Variants in MTHFS observed in about 807,000 individuals in gnomAD.
The protein encoded by MTHFS is 5-formyltetrahydrofolate cyclo-ligase.
A neutral mutation model predicts 12.7 loss-of-function variants in MTHFS; 7 were observed. The ratio of observed to expected loss-of-function variants is 0.55; its 90% confidence interval spans 0.31 to 1.03. The LOEUF is 1.03. Ranked by LOEUF, MTHFS falls within the 50% of genes least tolerant of loss-of-function variation. MTHFS has a pLI of 0.05. For synonymous variants in MTHFS, 100 were observed against 97.1 expected, an observed-to-expected ratio of 1.03 and a Z score of -0.18; for missense variants, 252 against 258.1, an observed-to-expected ratio of 0.98 and a Z score of 0.16.
In MTHFS at chr15:79,844,442, G is replaced by C. The variant is rs1026364082; in HGVS notation, c.*768C>G. ...GCCACGTGACTCCCGGGTTTCTGGAGATGACCAAATCCTCCCCACAACAAA... is the reference window on the plus strand; with the variant it reads ...GCCACGTGACTCCCGGGTTTCTGGACATGACCAAATCCTCCCCACAACAAA... On this transcript the variant is annotated 3_prime_UTR_variant, in exon 3 of 3. Coordinates refer to ENST00000258874, the MANE Select transcript of MTHFS (RefSeq NM_006441.4). 1.3e-5 allele frequency: 2 copies of C among 152,374 alleles called. No individual in the cohort carries two copies. The highest frequency in any genetic ancestry group is 3.9e-4 in the East Asian group (2 of 5,194). The allele number at this position is 152,374 out of a possible 1,614,324, so 9.4% of individuals were successfully genotyped here.
chr15:79,886,003 A>C (rs553112866), intron 2 of MTHFS, among the ~76,000 whole-genome samples: 1 of 152,372 alleles, frequency 6.6e-6, no homozygotes, highest in South Asian at 2.1e-4. Flanking sequence ...TTGCCCAAGC[A>C]GCCCTTACCT....
At chr15:79,894,390 A>T (rs1323138743) in intron 1 of MTHFS, among the ~76,000 whole-genome samples, 1 of 152,184 alleles carries the variant, frequency 6.6e-6, no homozygotes, top group East Asian at 1.9e-4. Context: ...TGAAAAAAAA[A>T]GAAAATATTA....
At chr15:79,860,597 A>G (rs1044987888) in intron 2 of MTHFS, among the ~76,000 whole-genome samples, 1 of 152,224 alleles carries the variant, frequency 6.6e-6, no homozygotes, top group Admixed American at 6.5e-5. Flanking sequence ...AGCTTAGTAT[A>G]TATTTTGAAA....
At chr15:79,887,705 G>C (rs1236985535) in intron 2 of MTHFS, among the ~76,000 whole-genome samples, 2 of 152,160 alleles carry the variant, frequency 1.3e-5, no homozygotes, top group Admixed American at 1.3e-4. Flanking sequence ...AAGATACTCT[G>C]TATTCCCTTA....
At chr15:79,897,145 C>T (rs188687524), upstream of MTHFS, 3 of 623,576 alleles carry the variant, frequency 4.8e-6, no homozygotes, top group African/African-American at 1.9e-5. Context: ...GGGCCCGCGG[C>T]GCGCCGCGCG....
intron 2 of MTHFS, among the ~76,000 whole-genome samples, chr15:79,865,273 A>G (rs1012322196): frequency 3.9e-5 from 6 of 152,218 alleles, no homozygotes; most frequent in Non-Finnish European, 8.8e-5. Flanking sequence ...CTTAGCACAA[A>G]TATTTGACTT....
At chr15:79,867,916 A>C (rs1367016018) in intron 2 of MTHFS, among the ~76,000 whole-genome samples, 1 of 152,134 alleles carries the variant, frequency 6.6e-6, no homozygotes, top group African/African-American at 2.4e-5. Flanking sequence ...CTTTGAGTGG[A>C]GTGTGTGTGT....
intron 2 of MTHFS, among the ~76,000 whole-genome samples, chr15:79,882,004 G>T (rs1244078882): frequency 6.6e-6 from 1 of 152,198 alleles, no homozygotes; most frequent in Non-Finnish European, 1.5e-5. Flanking sequence ...AGAGAGGGAG[G>T]TCACCCAAAA....
chr15:79,897,096 G>A (rs2034595500), upstream of MTHFS: 2 of 1,125,776 alleles, frequency 1.8e-6, no homozygotes, highest in Non-Finnish European at 2.3e-6. Flanking sequence ...GGGGCGGGTC[G>A]GGGCTCGGGG....
chr15:79,847,679 A>G (rs1596059611), intron 2 of MTHFS, among the ~76,000 whole-genome samples: 1 of 151,994 alleles, frequency 6.6e-6, no homozygotes, highest in East Asian at 1.9e-4. Flanking sequence ...CAAAAAAAAA[A>G]AAAAAAAAAA....
At chr15:79,862,080 T>C (rs1237415554) in intron 2 of MTHFS, among the ~76,000 whole-genome samples, 1 of 152,124 alleles carries the variant, frequency 6.6e-6, no homozygotes, top group Non-Finnish European at 1.5e-5. Context: ...CTTTTTTTTT[T>C]CCTTTTTGTT....
chr15:79,875,319 T>G (rs898353725), intron 2 of MTHFS, among the ~76,000 whole-genome samples: 1 of 149,454 alleles, frequency 6.7e-6, no homozygotes. Context: ...CCTCATAAGA[T>G]TAACAGCTGA....
chr15:79,863,534 C>G (rs965611761), intron 2 of MTHFS, among the ~76,000 whole-genome samples: 1 of 152,192 alleles, frequency 6.6e-6, no homozygotes. Context: ...ATCTGGACAT[C>G]ATTCTCTCTT....
intron 2 of MTHFS, among the ~76,000 whole-genome samples, chr15:79,855,061 T>C (rs924140674): frequency 2.0e-5 from 3 of 152,162 alleles, no homozygotes; most frequent in East Asian, 1.9e-4. Context: ...AACAGCAGAA[T>C]TGAATCACTG....
chr15:79,873,555 G>GAA (rs150648215), intron 2 of MTHFS, among the ~76,000 whole-genome samples: 2,892 of 148,932 alleles, frequency 0.019, 113 homozygotes, highest in African/African-American at 0.067. Context: ...AATCCTCTCT[G>GAA]AAAAAAAAAA....
chr15:79,873,961 A>C (rs2034147768), intron 2 of MTHFS, among the ~76,000 whole-genome samples: 1 of 152,224 alleles, frequency 6.6e-6, no homozygotes, highest in African/African-American at 2.4e-5. Context: ...ACTAGAAACT[A>C]TAGGGATATG....
chr15:79,889,582 C>A (rs761806216), intron 1 of MTHFS, among the ~76,000 whole-genome samples: 5 of 152,156 alleles, frequency 3.3e-5, no homozygotes, highest in Non-Finnish European at 7.3e-5. Flanking sequence ...CTTCCTGGTA[C>A]ACCCACTCTG....
intron 2 of MTHFS, 151 bp from the exon 3 acceptor site, chr15:79,845,593 A>C: frequency 8.9e-7 from 1 of 1,117,926 alleles, no homozygotes; most frequent in East Asian, 2.6e-5. Flanking sequence ...AGAGTTGGAC[A>C]AAAAAGGAAA....
intron 2 of MTHFS, among the ~76,000 whole-genome samples, chr15:79,872,329 G>A (rs553369367): frequency 2.0e-4 from 30 of 152,298 alleles, no homozygotes; most frequent in Non-Finnish European, 4.1e-4. Flanking sequence ...ACACTGTGGA[G>A]CCCTATGACC....
Sources: allele counts gnomAD v4.1 joint callset (sites outside exome capture counted in the v4.1 genomes callset), GRCh38; gene constraint gnomAD v4.1.1; transcripts MANE v1.5; gene names NCBI Gene and HGNC (gene_info 2026-07-23, HGNC 2026-07-21).